Variants in R3HCC1L observed in about 807,000 individuals in gnomAD.
The protein encoded by R3HCC1L is coiled-coil domain-containing protein R3HCC1L.
In R3HCC1L, 51 loss-of-function variants were observed where a neutral mutation model predicts 59.9. The observed-to-expected ratio is 0.85, with a 90% CI of 0.68 to 1.07. The LOEUF (loss-of-function observed/expected upper bound fraction) is 1.07, where lower values mean the gene tolerates loss of function less well. Ranked by LOEUF, R3HCC1L falls within the 50% of genes least tolerant of loss-of-function variation. The pLI is 0.00. For missense variants in R3HCC1L, 965 were observed against 933.0 expected, an observed-to-expected ratio of 1.03 and a Z score of -0.45; for synonymous variants, 322 against 315.2, an observed-to-expected ratio of 1.02 and a Z score of -0.23.
chr10:98,158,473 C>G (rs964314549), intron 2 of R3HCC1L, among the ~76,000 whole-genome samples: 1 of 152,114 alleles, frequency 6.6e-6, no homozygotes, highest in African/African-American at 2.4e-5. Flanking sequence ...GAGAGTTCAC[C>G]CAAATACCCA....
At chr10:98,151,747 TA>T (rs1051742215) in intron 1 of R3HCC1L, among the ~76,000 whole-genome samples, 2 of 152,028 alleles carry the variant, frequency 1.3e-5, no homozygotes, top group African/African-American at 4.8e-5. Flanking sequence ...AAGGAGCCAG[TA>T]AAAGAGTAGA....
At chr10:98,170,644 G>A (rs1848428507) in intron 4 of R3HCC1L, among the ~76,000 whole-genome samples, 1 of 152,168 alleles carries the variant, frequency 6.6e-6, no homozygotes, top group Non-Finnish European at 1.5e-5. Flanking sequence ...AAGATTTGAA[G>A]ATAGGTATGC....
chr10:98,135,309 C>T (rs1006689934), intron 1 of R3HCC1L, among the ~76,000 whole-genome samples: 4 of 152,228 alleles, frequency 2.6e-5, no homozygotes, highest in Non-Finnish European at 4.4e-5. Context: ...AGTCTGATAT[C>T]CTGGGGGAAG....
chr10:98,152,962 C>T (rs1240783706), intron 1 of R3HCC1L, among the ~76,000 whole-genome samples: 12 of 150,242 alleles, frequency 8.0e-5, no homozygotes, highest in Middle Eastern at 3.5e-3. Flanking sequence ...TCAGCCCCCA[C>T]CCAGCCAGCC....
In R3HCC1L at chr10:98,208,197, C is replaced by A. The variant is rs763902171; in HGVS notation, c.83C>A (p.Ala28Glu). ...TATGTACCTAAAGCTCGTAGGGGTGCAGTACTCCTTAAGACAGGTGATGAA... is the reference window on the plus strand; with the variant it reads ...TATGTACCTAAAGCTCGTAGGGGTGAAGTACTCCTTAAGACAGGTGATGAA... Reference protein sequence around the residue: ...ALYVPKARRGAVLLKTGDEEE... With the variant: ...ALYVPKARRGEVLLKTGDEEE... The change falls in exon 5 of 10, where the codon GCA becomes GAA. Residue 28 changes from alanine (A) to glutamate (E), a missense_variant. By Grantham distance (107) the Ala-to-Glu change is moderately radical. Coordinates refer to ENST00000298999, the MANE Select transcript of R3HCC1L (RefSeq NM_001351015.2). 3.7e-6 allele frequency: 6 copies of A among 1,614,022 alleles called. No individual in the cohort carries two copies. The South Asian group carries it at 6.6e-5, about 18-fold the overall frequency.
At chr10:98,218,213 A>G (rs1854435708) in intron 5 of R3HCC1L, among the ~76,000 whole-genome samples, 1 of 152,124 alleles carries the variant, frequency 6.6e-6, no homozygotes, top group Admixed American at 6.5e-5. Context: ...GGTTTTTATC[A>G]TGAAGGGATG....
chr10:98,194,856 C>T lies in R3HCC1L; in HGVS notation c.-14-13245C>T, dbSNP rs371878898. Among the ~76,000 whole-genome samples, 3 of 152,258 alleles carry T rather than the reference C, an allele frequency of 2.0e-5. No individual in the cohort carries two copies. The South Asian group carries it at 6.2e-4, about 32-fold the overall frequency. On this transcript the variant is annotated intron_variant, in intron 4 of 9. Coordinates refer to ENST00000298999, the MANE Select transcript of R3HCC1L (RefSeq NM_001351015.2). ...GGATGTAGAGGAATTGGAACCCTTG[C>T]ACACTGTTGGTGGGATTGTACAATG...
intron 5 of R3HCC1L, among the ~76,000 whole-genome samples, chr10:98,222,199 A>G (rs1855074253): frequency 6.6e-6 from 1 of 152,152 alleles, no homozygotes; most frequent in South Asian, 2.1e-4. Context: ...CTGGTGTATA[A>G]GAATGCTTGT....
chr10:98,143,828 A>AATAGTTCATATT (rs1432969951), intron 1 of R3HCC1L, among the ~76,000 whole-genome samples: 9 of 152,160 alleles, frequency 5.9e-5, no homozygotes, highest in Non-Finnish European at 1.3e-4. Flanking sequence ...TAAACATATT[A>AATAGTTCATATT]ATAGTTCATA....
At chr10:98,179,108 G>A (rs1849356937) in intron 4 of R3HCC1L, among the ~76,000 whole-genome samples, 1 of 152,176 alleles carries the variant, frequency 6.6e-6, no homozygotes, top group South Asian at 2.1e-4. Flanking sequence ...TGTTGAATAG[G>A]AGTGGTAAGA....
Position 98,234,505 on chromosome 10 carries a change from G to A in R3HCC1L, c.2021G>A (p.Ser674Asn). The change falls in exon 7 of 10, where the codon AGT becomes AAT. Residue 674 changes from serine (S) to asparagine (N), a missense_variant. Transcript: ENST00000298999. ...ACACATGCCCTAGGAGTATTCTCCA[G>A]TCCAATTACAGGTATTCACCCAGTG... ...DDTHALGVFS[S>N]PITARDALGI... The A allele has an allele frequency of 6.2e-7, 1 of 1,612,536 alleles. No individual in the cohort carries two copies. Among genetic ancestry groups the A allele is most frequent in the Non-Finnish European group, 8.5e-7 (1 of 1,178,880 alleles).
chr10:98,176,927 T>A (rs1849083881), intron 4 of R3HCC1L, among the ~76,000 whole-genome samples: 1 of 152,140 alleles, frequency 6.6e-6, no homozygotes, highest in Non-Finnish European at 1.5e-5. Flanking sequence ...TTGAATTTTG[T>A]CAGATATTTT....
chr10:98,157,503 C>A (rs1847002350), intron 2 of R3HCC1L, among the ~76,000 whole-genome samples: 2 of 152,216 alleles, frequency 1.3e-5, no homozygotes. Context: ...CACCCAGTGC[C>A]CTCCCGGCAT....
chr10:98,216,383 A>C (rs1854209828), intron 5 of R3HCC1L, among the ~76,000 whole-genome samples: 1 of 151,934 alleles, frequency 6.6e-6, no homozygotes, highest in Non-Finnish European at 1.5e-5. Context: ...GCGTAGTGGC[A>C]TGTGCCTGTG....
At chr10:98,152,867 C>T (rs1203309751) in intron 1 of R3HCC1L, among the ~76,000 whole-genome samples, 5 of 149,650 alleles carry the variant, frequency 3.3e-5, no homozygotes, top group Non-Finnish European at 5.9e-5. Context: ...GGAGCGTCTC[C>T]GCCCGGCAGC....
At chr10:98,240,844 G>A (rs546622395) in intron 9 of R3HCC1L, among the ~76,000 whole-genome samples, 12 of 140,574 alleles carry the variant, frequency 8.5e-5, no homozygotes, top group Admixed American at 1.5e-4. Context: ...CTGTGATGTA[G>A]CGTTTACTCA....
intron 6 of R3HCC1L, among the ~76,000 whole-genome samples, chr10:98,233,470 C>T (rs1159784997): frequency 6.6e-6 from 1 of 152,138 alleles, no homozygotes; most frequent in African/African-American, 2.4e-5. Context: ...CCATGAAGTG[C>T]TCAACACCAT....
intron 1 of R3HCC1L, among the ~76,000 whole-genome samples, chr10:98,152,485 C>T (rs867518086): frequency 4.8e-5 from 5 of 104,994 alleles, no homozygotes; most frequent in Admixed American, 1.1e-4. Flanking sequence ...TCTTCCCGGC[C>T]GCCATCCCGT....
intron 4 of R3HCC1L, among the ~76,000 whole-genome samples, chr10:98,205,153 T>C (rs997326653): frequency 3.0e-4 from 45 of 152,234 alleles, no homozygotes; most frequent in African/African-American, 1.1e-3. Context: ...TAATAAATAC[T>C]TCAAACTCAT....
Sources: allele counts gnomAD v4.1 joint callset (sites outside exome capture counted in the v4.1 genomes callset), GRCh38; gene constraint gnomAD v4.1.1; transcripts MANE v1.5; gene names NCBI Gene and HGNC (gene_info 2026-07-23, HGNC 2026-07-21).